Variants in RASSF8 observed in about 807,000 individuals in gnomAD.
RASSF8 encodes the protein ras association domain-containing protein 8.
Under a neutral mutation model 48.5 loss-of-function variants are expected in RASSF8, and 22 were observed. That is an observed-to-expected ratio of 0.45 (90% CI 0.32 to 0.65). RASSF8 has a LOEUF of 0.65. RASSF8 is among the 30% of genes least tolerant of loss of function. RASSF8 has a pLI of 0.03. For synonymous variants in RASSF8, 127 were observed against 171.5 expected (o/e 0.74, Z 2.03); for missense variants, 418 against 489.2 (o/e 0.85, Z 1.37).
intron 2 of RASSF8, among the ~76,000 whole-genome samples, chr12:26,031,362 G>A (rs547622108): frequency 6.6e-6 from 1 of 152,088 alleles, no homozygotes; most frequent in South Asian, 2.1e-4. Flanking sequence ...GATTCTCAAA[G>A]TATATTTTGG....
chr12:25,983,881 G>T (rs768687806), intron 1 of RASSF8, among the ~76,000 whole-genome samples: 1 of 152,134 alleles, frequency 6.6e-6, no homozygotes, highest in Admixed American at 6.5e-5. Context: ...ACCCATACCC[G>T]TGTGTGCCAG....
chr12:25,982,678 G>A (rs1262467965), intron 1 of RASSF8, among the ~76,000 whole-genome samples: 1 of 152,146 alleles, frequency 6.6e-6, no homozygotes, highest in Non-Finnish European at 1.5e-5. Context: ...TGTTGCACTG[G>A]AGACAAGAGA....
At chr12:26,064,122 T>A (rs898709149) in intron 3 of RASSF8, among the ~76,000 whole-genome samples, 2 of 152,246 alleles carry the variant, frequency 1.3e-5, no homozygotes, top group African/African-American at 4.8e-5. Flanking sequence ...CAGCCCCTCA[T>A]GTTTCACATG....
chr12:25,986,765 T>A (rs1565605714), intron 1 of RASSF8, among the ~76,000 whole-genome samples: 1 of 152,194 alleles, frequency 6.6e-6, no homozygotes, highest in Non-Finnish European at 1.5e-5. Context: ...GGCTCCTAGT[T>A]ACTTACTGCT....
chr12:26,065,359 C>T lies in RASSF8; in HGVS notation c.965C>T (p.Ser322Phe), dbSNP rs780011967. 16 of 1,613,010 alleles carry T rather than the reference C, an allele frequency of 9.9e-6. No individual in the cohort carries two copies. Among genetic ancestry groups the T allele is most frequent in the Non-Finnish European group, 8.5e-7 (1 of 1,179,362 alleles). The change falls in exon 4 of 6, where the codon TCT becomes TTT. Residue 322 changes from serine (S) to phenylalanine (F), a missense_variant. Ser to Phe is a radical substitution (Grantham distance 155). Transcript: ENST00000689635. The stretch of plus-strand genomic sequence containing the variant: ...AATGGCATCAAAGCTGTGGAAAGAT[C>T]TCTTGGACAAGCCACCAAACGCTTA... ...LENGIKAVER[S>F]LGQATKRLQD... is the part of the protein sequence containing the mutation.
At chr12:26,016,864 GT>G (rs1942664040) in intron 2 of RASSF8, among the ~76,000 whole-genome samples, 1 of 152,104 alleles carries the variant, frequency 6.6e-6, no homozygotes. Flanking sequence ...ATCATCTGAA[GT>G]TCATTCATTA....
At chr12:26,065,520 G>A (rs576923084) in intron 4 of RASSF8, 133 bp downstream of exon 4, 15 of 1,177,194 alleles carry the variant, frequency 1.3e-5, no homozygotes, top group African/African-American at 6.2e-5. Context: ...AACTTTTGTC[G>A]AACTCTTGTG....
At chr12:26,041,818 T>C (rs185050437) in intron 2 of RASSF8, among the ~76,000 whole-genome samples, 113 of 152,350 alleles carry the variant, frequency 7.4e-4, no homozygotes, top group African/African-American at 2.6e-3. Context: ...AAATGAGTTT[T>C]ATAGCTTTAT....
chr12:26,069,992 A>G lies in RASSF8; in HGVS notation c.*1174A>G. 1 of 974,966 alleles carries G rather than the reference A, an allele frequency of 1.0e-6. No individual in the cohort carries two copies. The highest frequency in any genetic ancestry group is 1.2e-6 in the Non-Finnish European group (1 of 820,388). 60.4% of individuals were successfully genotyped at this position (974,966 alleles called of 1,614,324 possible). Reference sequence around the variant, plus strand: ...TTTGTACATATGTTATTTTATTTGTAAAACCAAATATGACTCAACACCTTT... The same window carrying G: ...TTTGTACATATGTTATTTTATTTGTGAAACCAAATATGACTCAACACCTTT... On this transcript the variant is annotated 3_prime_UTR_variant, in exon 6 of 6. Coordinates refer to ENST00000689635, the MANE Select transcript of RASSF8 (RefSeq NM_001394098.1).
At chr12:26,018,456 AAAACT>A (rs1281577002) in intron 2 of RASSF8, among the ~76,000 whole-genome samples, 6 of 152,218 alleles carry the variant, frequency 3.9e-5, no homozygotes, top group Non-Finnish European at 7.4e-5. Context: ...ATGTACTAAA[AAAACT>A]AAACTAAAAA....
At chr12:26,078,312 G>T (rs1944088638) in intron 5 of RASSF8, among the ~76,000 whole-genome samples, 1 of 152,204 alleles carries the variant, frequency 6.6e-6, no homozygotes, top group Admixed American at 6.5e-5. Context: ...TTATACAGTG[G>T]CTTGAGAAGT....
chr12:26,074,173 T>C (rs73285106), downstream of RASSF8, among the ~76,000 whole-genome samples: 3,164 of 152,246 alleles, frequency 0.021, 87 homozygotes, highest in African/African-American at 0.071. Context: ...CTGTTAACTC[T>C]TCACCCACTA....
At chr12:25,994,500 A>G (rs887501339) in intron 1 of RASSF8, among the ~76,000 whole-genome samples, 12 of 152,192 alleles carry the variant, frequency 7.9e-5, no homozygotes, top group African/African-American at 2.9e-4. Flanking sequence ...TAAAATGGTC[A>G]AAAGAAATGG....
chr12:26,073,614 C>T (rs1944037976), downstream of RASSF8, among the ~76,000 whole-genome samples: 1 of 151,968 alleles, frequency 6.6e-6, no homozygotes, highest in Non-Finnish European at 1.5e-5. Context: ...TGGCGGGCAC[C>T]TGTAGTCCCA....
chr12:25,998,439 T>C (rs1289673845), intron 2 of RASSF8, among the ~76,000 whole-genome samples: 1 of 149,476 alleles, frequency 6.7e-6, no homozygotes, highest in Non-Finnish European at 1.5e-5. Context: ...AACCTCCGCC[T>C]CCTGGGTTCA....
intron 2 of RASSF8, among the ~76,000 whole-genome samples, chr12:26,007,878 G>A (rs7953171): frequency 6.6e-6 from 1 of 152,182 alleles, no homozygotes; most frequent in African/African-American, 2.4e-5. Context: ...CCTCACATCT[G>A]TGTAAGTAGA....
At chr12:26,059,479 G>A (rs1943691631) in intron 3 of RASSF8, among the ~76,000 whole-genome samples, 1 of 151,994 alleles carries the variant, frequency 6.6e-6, no homozygotes, top group African/African-American at 2.4e-5. Context: ...ACACAAAGAA[G>A]GTAAGAGAAT....
chr12:26,073,168 A>G (rs748699360), downstream of RASSF8, among the ~76,000 whole-genome samples: 1 of 152,198 alleles, frequency 6.6e-6, no homozygotes, highest in Non-Finnish European at 1.5e-5. Context: ...TTCAGTCCCT[A>G]CTACGTGCCA....
Position 26,071,496 on chromosome 12 carries a change from A to C in RASSF8, c.*2678A>C. 1.0e-6 allele frequency: 1 copy of C among 962,748 alleles called. No homozygotes were observed. The highest frequency in any genetic ancestry group is 1.2e-6 in the Non-Finnish European group (1 of 809,304). 59.6% of individuals were successfully genotyped at this position (962,748 alleles called of 1,614,324 possible). A position where few individuals can be genotyped will look rare whatever the true frequency, so the allele number is the denominator to read the frequency against. ...AGATCTTTTTATCTTACCAAGAAAT[A>C]ATTTGGAATAGCATTGGTATATTTG... On this transcript the variant is annotated 3_prime_UTR_variant, in exon 6 of 6. Coordinates refer to ENST00000689635, the MANE Select transcript of RASSF8 (RefSeq NM_001394098.1).
Sources: allele counts gnomAD v4.1 joint callset (sites outside exome capture counted in the v4.1 genomes callset), GRCh38; gene constraint gnomAD v4.1.1; transcripts MANE v1.5; gene names NCBI Gene and HGNC (gene_info 2026-07-23, HGNC 2026-07-21).